The following POP1 variants were observed in gnomAD, a reference collection of about 807,000 sequenced individuals.
POP1 encodes ribonucleases P/MRP protein subunit POP1.
In POP1, 75 loss-of-function variants were observed where a neutral mutation model predicts 102.2. That is an observed-to-expected ratio of 0.73 (90% CI 0.61 to 0.89). The LOEUF is 0.89. Among genes scored for constraint, POP1 ranks in the 40% least tolerant of loss-of-function variants. The pLI is 0.00. For synonymous variants in POP1, 436 were observed against 464.1 expected, an observed-to-expected ratio of 0.94 and a Z score of 0.78; for missense variants, 1,116 against 1,267.4, an observed-to-expected ratio of 0.88 and a Z score of 1.81.
chr8:98,157,436 A>G (rs779600442), intron 15 of POP1, among the ~76,000 whole-genome samples, 181 bp from the exon 16 acceptor site: 1 of 152,228 alleles, frequency 6.6e-6, no homozygotes, highest in Non-Finnish European at 1.5e-5. Flanking sequence ...GCAAACACAT[A>G]AAAAGAAAAA....
intron 14 of POP1, among the ~76,000 whole-genome samples, chr8:98,154,223 G>A (rs924732392): frequency 2.0e-5 from 3 of 152,210 alleles, no homozygotes; most frequent in East Asian, 3.8e-4. Context: ...ACCATCATGA[G>A]TTCTTCCTCC....
intron 1 of POP1, among the ~76,000 whole-genome samples, chr8:98,117,680 G>A (rs1815882551): frequency 6.6e-6 from 1 of 151,994 alleles, no homozygotes; most frequent in Non-Finnish European, 1.5e-5. Flanking sequence ...GACTAATATG[G>A]GTCATTCTGG....
intron 13 of POP1, among the ~76,000 whole-genome samples, chr8:98,149,809 A>G (rs1201238768): frequency 1.3e-4 from 20 of 152,014 alleles, no homozygotes. Flanking sequence ...AATAAATATT[A>G]CTTCGATTCT....
In POP1 at chr8:98,136,619, A is replaced by G. The variant is rs1235031286; in HGVS notation, c.1149A>G (p.Lys383=). The G allele has an allele frequency of 1.9e-6, 3 of 1,614,046 alleles. No homozygotes were observed. Among genetic ancestry groups the G allele is most frequent in the Admixed American group, 3.3e-5 (2 of 60,000 alleles). The change falls in exon 8 of 16, where the codon AAA becomes AAG. Residue 383 remains lysine (K), a synonymous_variant. Transcript: ENST00000401707. ...TGCCTGACGAGAAAATTGGCAAGAA[A>G]AGAAAAAGGAAAGATGATGGAGAAA... The part of the protein sequence containing the change: ...TELPDEKIGK[K]RKRKDDGENA...
At chr8:98,145,946 G>C (rs1341828872) in intron 11 of POP1, among the ~76,000 whole-genome samples, 1 of 151,846 alleles carries the variant, frequency 6.6e-6, no homozygotes, top group Non-Finnish European at 1.5e-5. Context: ...TTACAGAAAC[G>C]AATAAATAGT....
chr8:98,138,497 T>G (rs1270193977), intron 9 of POP1, among the ~76,000 whole-genome samples: 1 of 152,226 alleles, frequency 6.6e-6, no homozygotes, highest in East Asian at 1.9e-4. Context: ...CATTTCCCTC[T>G]AGCATCCTTT....
Position 98,140,197 on chromosome 8 carries a change from A to G in POP1, c.1474+8A>G. ...TTTTCGAGTTGTTGGGAGGTATACA[A>G]AGGGAAGACTGGGTTGTGTTGGGGA... On this transcript the variant is annotated splice_region_variant and intron_variant, in intron 10 of 15. Coordinates refer to ENST00000401707, the MANE Select transcript of POP1 (RefSeq NM_001145860.2). 3 of 1,612,236 alleles carry G rather than the reference A, an allele frequency of 1.9e-6. No homozygotes were observed. The highest frequency in any genetic ancestry group is 2.5e-6 in the Non-Finnish European group (3 of 1,178,410).
Position 98,156,341 on chromosome 8 carries a change from T to C in POP1, c.2349T>C (p.Pro783=), listed in dbSNP as rs1586254639. The C allele has an allele frequency of 6.2e-7, 1 of 1,614,074 alleles. No homozygotes were observed. Among genetic ancestry groups the C allele is most frequent in the Non-Finnish European group, 8.5e-7 (1 of 1,180,028 alleles). The change falls in exon 15 of 16, where the codon CCT becomes CCC. Residue 783 remains proline, a synonymous_variant. Transcript: ENST00000401707. ...CAGGGTGTCAAGAATCGGCAGGGCC[T>C]GAGAGGATCACAGACCAGGAGGCCA... The part of the protein sequence containing the change: ...MDAGCQESAG[P]ERITDQEASE...
chr8:98,135,211 A>ACTTT (rs1252546863), intron 7 of POP1, among the ~76,000 whole-genome samples: 44 of 152,102 alleles, frequency 2.9e-4, no homozygotes, highest in African/African-American at 1.1e-3. Flanking sequence ...CCCAGGAGGC[A>ACTTT]GAGTTGCAGT....
rs1461523371 is a variant in POP1 at position 98,128,512 on chromosome 8, G to A, written c.458G>A (p.Arg153Lys). Residue 153 changes from arginine to lysine, a missense_variant, in exon 4 of 16, where the codon AGA (arginine) becomes AAA (lysine). Physicochemically the swap from Arg to Lys is conservative, Grantham distance 26 (BLOSUM62 2). Transcript: ENST00000401707. ...AMSHNVKRLP[R>K]RLQEIAQKEA... The stretch of plus-strand genomic sequence containing the variant: ...AGCCACAACGTCAAACGCCTTCCCA[G>A]ACGGTTACAGGAGATTGCCCAGAAA... 2 of 1,613,944 alleles carry A rather than the reference G, an allele frequency of 1.2e-6. No individual in the cohort carries two copies. Among genetic ancestry groups the A allele is most frequent in the East Asian group, 2.2e-5 (1 of 44,882 alleles).
At chr8:98,128,939 C>G (rs947140459) in intron 4 of POP1, among the ~76,000 whole-genome samples, 1 of 152,052 alleles carries the variant, frequency 6.6e-6, no homozygotes, top group African/African-American at 2.4e-5. Flanking sequence ...AAAAAAAACT[C>G]AGAAAACATC....
intron 1 of POP1, 150 bp from the exon 2 acceptor site, chr8:98,123,186 T>G: frequency 1.2e-6 from 1 of 822,648 alleles, no homozygotes; most frequent in African/African-American, 1.7e-5. Context: ...ATGATTTAAT[T>G]ATTTGACAGT....
chr8:98,140,264 C>A, intron 10 of POP1, 75 bp downstream of exon 10: 1 of 1,136,392 alleles, frequency 8.8e-7, no homozygotes, highest in Non-Finnish European at 1.3e-6. Flanking sequence ...GGGCCTCCAA[C>A]ATGTAGTATT....
Position 98,140,161 on chromosome 8 carries a change from A to G in POP1, c.1446A>G (p.Arg482=). The part of the protein sequence containing the change: ...KKPDSVSLHC[R]QEAIFELLGG... ...CTGACAGCGTTTCCCTTCATTGCAG[A>G]CAAGAAGCCATTTTCGAGTTGTTGG... The change falls in exon 10 of 16, where the codon AGA becomes AGG. Residue 482 remains arginine, a synonymous_variant. Transcript: ENST00000401707. 6.2e-7 allele frequency: 1 copy of G among 1,614,058 alleles called. No homozygotes were observed. Among genetic ancestry groups the G allele is most frequent in the Non-Finnish European group, 8.5e-7 (1 of 1,179,952 alleles).
chr8:98,139,751 G>A (rs1043432564), intron 9 of POP1, among the ~76,000 whole-genome samples: 8 of 152,146 alleles, frequency 5.3e-5, no homozygotes, highest in South Asian at 4.2e-4. Context: ...AGAGAGGAGC[G>A]AGGCCTCCTT....
chr8:98,127,852 C>G (rs1816255983), intron 3 of POP1, 90 bp downstream of exon 3: 2 of 1,372,002 alleles, frequency 1.5e-6, no homozygotes, highest in Non-Finnish European at 2.1e-6. Context: ...GGTCCTGGCT[C>G]TGCCTCCCCT....
intron 1 of POP1, among the ~76,000 whole-genome samples, chr8:98,121,306 G>C (rs1211279648): frequency 6.6e-6 from 1 of 152,162 alleles, no homozygotes; most frequent in Non-Finnish European, 1.5e-5. Context: ...TGAATGGGGG[G>C]TAATTTAGTG....
At chr8:98,129,796 C>G (rs191657103) in intron 4 of POP1, among the ~76,000 whole-genome samples, 182 bp from the exon 5 acceptor site, 3 of 152,172 alleles carry the variant, frequency 2.0e-5, no homozygotes, top group Non-Finnish European at 4.4e-5. Context: ...CTAAAACATT[C>G]ACTCTTTCCA....
At position 98,141,945 on chromosome 8, in the gene POP1, G is replaced by T. The variant is rs543629185; in HGVS notation, c.1594+1057G>T. 2.0e-5 allele frequency among the ~76,000 whole-genome samples: 3 copies of T among 152,080 alleles called. No homozygotes were observed. The East Asian group carries it at 5.8e-4, about 29-fold the overall frequency. On this transcript the variant is annotated intron_variant, in intron 11 of 15. Coordinates refer to ENST00000401707, the MANE Select transcript of POP1 (RefSeq NM_001145860.2). ...ACTCTGTCAGAACTTCACATAAAAG[G>T]TGGATTGGATGAGAGAGGAGTTTGA...
Sources: allele counts gnomAD v4.1 joint callset (sites outside exome capture counted in the v4.1 genomes callset), GRCh38; gene constraint gnomAD v4.1.1; transcripts MANE v1.5; gene names NCBI Gene and HGNC (gene_info 2026-07-23, HGNC 2026-07-21).